Variants in TENM2 observed in about 807,000 individuals in gnomAD.
The protein encoded by TENM2 is teneurin transmembrane protein 2, also known as teneurin-2.
TENM2 carries 52 observed loss-of-function variants against 245.2 expected under a neutral mutation model. That is an observed-to-expected ratio of 0.21 (90% confidence interval 0.17 to 0.27). The LOEUF is 0.27. TENM2 is among the 10% of genes least tolerant of loss of function. The pLI, the probability that TENM2 is intolerant of heterozygous loss-of-function variation, is 1.00. For synonymous variants in TENM2, 1,363 were observed against 1,438.9 expected (o/e 0.95, Z 1.19); for missense variants, 3,046 against 3,666.8 (o/e 0.83, Z 4.37).
chr5:167,457,782 A>G (rs1470983197), intron 2 of TENM2, among the ~76,000 whole-genome samples: 5 of 152,174 alleles, frequency 3.3e-5, no homozygotes. Flanking sequence ...CAATGACAAC[A>G]TTTCTGTTCT....
intron 19 of TENM2, among the ~76,000 whole-genome samples, chr5:168,206,945 A>G (rs1231961639): frequency 2.0e-5 from 3 of 151,450 alleles, no homozygotes; most frequent in African/African-American, 4.8e-5. Flanking sequence ...CCAAACCTTC[A>G]CTCTTGCTGC....
intron 17 of TENM2, among the ~76,000 whole-genome samples, chr5:168,202,068 T>C (rs1480100923): frequency 6.6e-6 from 1 of 152,208 alleles, no homozygotes; most frequent in African/African-American, 2.4e-5. Flanking sequence ...AAGTTGTGTA[T>C]TTTTTAGAGA....
chr5:167,648,852 G>T (rs886357965), intron 2 of TENM2, among the ~76,000 whole-genome samples: 2 of 152,182 alleles, frequency 1.3e-5, no homozygotes, highest in Non-Finnish European at 2.9e-5. Context: ...CCTGTACTTT[G>T]TTCTGAGGAA....
At chr5:167,613,491 A>G (rs1252986944) in intron 2 of TENM2, among the ~76,000 whole-genome samples, 1 of 152,146 alleles carries the variant, frequency 6.6e-6, no homozygotes, top group African/African-American at 2.4e-5. Flanking sequence ...GCTGGGATCC[A>G]GGTAACTGAG....
At chr5:167,654,057 A>G (rs1754664405) in intron 2 of TENM2, 1 of 152,078 alleles carries the variant, frequency 6.6e-6, no homozygotes, top group Admixed American at 6.6e-5. Context: ...AGTCTGAGTC[A>G]TGTTTTCTGA....
At chr5:168,060,344 G>A (rs1789933721) in intron 6 of TENM2, among the ~76,000 whole-genome samples, 1 of 152,164 alleles carries the variant, frequency 6.6e-6, no homozygotes, top group African/African-American at 2.4e-5. Context: ...AGCCCAGGAG[G>A]TCAGGGCTGC....
chr5:167,357,300 CTTT>C (rs11442891), intron 1 of TENM2, among the ~76,000 whole-genome samples: 1 of 139,984 alleles, frequency 7.1e-6, no homozygotes, highest in Non-Finnish European at 1.5e-5. Context: ...GCCATCCTTT[CTTT>C]TTTTTTTTTT....
rs369117936 is a variant in TENM2, at chr5:167,334,729, G to T, written c.227-40469G>T. 2.6e-4 allele frequency among the ~76,000 whole-genome samples: 39 copies of T among 152,208 alleles called. No individual in the cohort carries two copies. In the East Asian group the frequency reaches 5.2e-3, roughly 20 times the overall value. On this transcript the variant is annotated intron_variant, in intron 1 of 28. Transcript: ENST00000518659. ...TCCGTTACAACATATTATCTGGTTT[G>T]CAGGTCATATTATTTGAAGGAACAT...
At chr5:167,864,604 T>TTA (rs769737829) in intron 2 of TENM2, among the ~76,000 whole-genome samples, 16 of 152,222 alleles carry the variant, frequency 1.1e-4, no homozygotes, top group Non-Finnish European at 2.1e-4. Flanking sequence ...GCCAATCACA[T>TTA]TGTTACATCA....
At chr5:167,806,094 A>G (rs1199648271) in intron 2 of TENM2, among the ~76,000 whole-genome samples, 1 of 152,170 alleles carries the variant, frequency 6.6e-6, no homozygotes, top group African/African-American at 2.4e-5. Flanking sequence ...ACCGGATGCC[A>G]CGGTAGGCTG....
intron 2 of TENM2, among the ~76,000 whole-genome samples, chr5:167,491,853 T>C (rs12652771): frequency 0.91 from 137,715 of 152,116 alleles, 63,151 homozygotes; most frequent in Non-Finnish European, 0.99. Flanking sequence ...TCAAAAGTCA[T>C]CAAGCGAATG....
At chr5:167,084,295 T>C in the TENM2 span, among the ~76,000 whole-genome samples, 161 of 130,560 alleles carry the variant, frequency 1.2e-3, 4 homozygotes, top group Middle Eastern at 4.1e-3. Flanking sequence ...ATAAGCTCAG[T>C]GTTTTGGGAT....
At chr5:167,800,940 G>C (rs7703715) in intron 2 of TENM2, among the ~76,000 whole-genome samples, 14,811 of 151,432 alleles carry the variant, frequency 0.098, 1,260 homozygotes, top group East Asian at 0.4. Flanking sequence ...GAATTTATTA[G>C]ATCTTCCTTT....
intron 1 of TENM2, among the ~76,000 whole-genome samples, chr5:167,305,913 A>T (rs1357678358): frequency 6.6e-6 from 1 of 152,192 alleles, no homozygotes; most frequent in Non-Finnish European, 1.5e-5. Flanking sequence ...TGATCAGCAG[A>T]GCTAAGGGGA....
At chr5:167,269,828 T>C in the TENM2 span, among the ~76,000 whole-genome samples, 43 of 152,178 alleles carry the variant, frequency 2.8e-4, 2 homozygotes, top group Admixed American at 2.8e-3. Context: ...TCTCTCTTTA[T>C]TATGCAAAGA....
chr5:167,338,004 C>T (rs1285614140), intron 1 of TENM2, among the ~76,000 whole-genome samples: 1 of 152,146 alleles, frequency 6.6e-6, no homozygotes, highest in South Asian at 2.1e-4. Flanking sequence ...ATTTGTAATA[C>T]AATCTTGAAA....
chr5:168,251,834 G>A (rs1240923220), intron 27 of TENM2, among the ~76,000 whole-genome samples: 1 of 152,230 alleles, frequency 6.6e-6, no homozygotes, highest in Non-Finnish European at 1.5e-5. Flanking sequence ...TGAAGCCAGA[G>A]AAGGGTCTAT....
chr5:167,529,537 C>A (rs1771354103), intron 2 of TENM2, among the ~76,000 whole-genome samples: 1 of 152,088 alleles, frequency 6.6e-6, no homozygotes, highest in South Asian at 2.1e-4. Flanking sequence ...TGTAGAGTAA[C>A]CAGCATATAT....
At chr5:167,566,731 A>G (rs1051627769) in intron 2 of TENM2, among the ~76,000 whole-genome samples, 1 of 152,198 alleles carries the variant, frequency 6.6e-6, no homozygotes, top group African/African-American at 2.4e-5. Flanking sequence ...CCTGTATTCA[A>G]CTCAATGGAG....
Sources: gnomAD v4.1 joint callset for allele counts (sites outside exome capture counted in the v4.1 genomes callset) on GRCh38, gnomAD v4.1.1 for gene constraint, MANE v1.5 for transcripts, NCBI Gene and HGNC (gene_info 2026-07-23, HGNC 2026-07-21) for gene names.